ADAMTS17: variants seen among roughly 807,000 people sequenced by gnomAD.
The protein encoded by ADAMTS17 is A disintegrin and metalloproteinase with thrombospondin motifs 17.
ADAMTS17 carries 113 observed loss-of-function variants against 141.5 expected under a neutral mutation model. The observed-to-expected ratio is 0.80, with a 90% CI of 0.69 to 0.93. The LOEUF (loss-of-function observed/expected upper bound fraction) is 0.93. Among genes scored for constraint, ADAMTS17 ranks in the 40% least tolerant of loss-of-function variants. The pLI is 0.00. For missense variants in ADAMTS17, 1,659 were observed against 1,517.9 expected, an observed-to-expected ratio of 1.09 and a Z score of -1.54; for synonymous variants, 768 against 630.6, an observed-to-expected ratio of 1.22 and a Z score of -3.27.
chr15:100,273,911 T>C (rs1019822735), intron 4 of ADAMTS17, among the ~76,000 whole-genome samples: 1 of 152,234 alleles, frequency 6.6e-6, no homozygotes, highest in Non-Finnish European at 1.5e-5. Context: ...TATTTTCCAA[T>C]GTCACTTGTG....
chr15:100,237,799 T>C (rs111536627), intron 7 of ADAMTS17, among the ~76,000 whole-genome samples: 41 of 152,256 alleles, frequency 2.7e-4, no homozygotes, highest in African/African-American at 8.7e-4. Flanking sequence ...AATTTTTATA[T>C]TTTTAGTAGA....
rs1227702983 is a variant in ADAMTS17, at chr15:100,053,894, TAC to T, written c.2295+1_2295+2del. On this transcript the variant is annotated splice_donor_variant, in intron 16 of 21. Transcript: ENST00000268070. LOFTEE classifies it high-confidence loss of function. The stretch of plus-strand genomic sequence containing the variant: ...AGACAAGTGTGGAAGCCCAGCAAGT[TAC>T]CATCAAGTGCAGCGGTAGTTTGGTT... The T allele has an allele frequency of 1.2e-6, 2 of 1,614,020 alleles. No individual in the cohort carries two copies. Among genetic ancestry groups the T allele is most frequent in the Non-Finnish European group, 1.7e-6 (2 of 1,180,022 alleles).
chr15:100,080,919 A>G (rs962832516), intron 15 of ADAMTS17, among the ~76,000 whole-genome samples: 1 of 152,184 alleles, frequency 6.6e-6, no homozygotes, highest in African/African-American at 2.4e-5. Flanking sequence ...TTTGAAGACT[A>G]TGTGTGTTCT....
chr15:100,265,679 C>T (rs1283909394), intron 4 of ADAMTS17, among the ~76,000 whole-genome samples: 4 of 152,162 alleles, frequency 2.6e-5, no homozygotes, highest in Non-Finnish European at 5.9e-5. Flanking sequence ...CACCACCTAC[C>T]TGTGTGACCC....
At chr15:100,306,601 G>A (rs909586193) in intron 3 of ADAMTS17, 1 of 455,746 alleles carries the variant, frequency 2.2e-6, no homozygotes, top group Non-Finnish European at 4.4e-6. Flanking sequence ...TGTCCACCGT[G>A]CCTTGTCAAA....
At chr15:100,027,863 T>A (rs1271214267) in intron 18 of ADAMTS17, among the ~76,000 whole-genome samples, 1 of 152,098 alleles carries the variant, frequency 6.6e-6, no homozygotes, top group African/African-American at 2.4e-5. Context: ...GGAGTCTGAG[T>A]CTCATGAGTC....
intron 8 of ADAMTS17, among the ~76,000 whole-genome samples, chr15:100,196,108 G>A (rs1302221630): frequency 1.3e-5 from 2 of 152,188 alleles, no homozygotes; most frequent in Admixed American, 6.5e-5. Context: ...TTAATTCATG[G>A]CTGAAGCAGC....
At chr15:100,164,111 A>G (rs1185838114) in intron 8 of ADAMTS17, among the ~76,000 whole-genome samples, 2 of 152,064 alleles carry the variant, frequency 1.3e-5, no homozygotes, top group Non-Finnish European at 2.9e-5. Context: ...AGTCTCCCGT[A>G]TTCAGCACAC....
Position 99,972,272 on chromosome 15 carries a change from AAAG to A in ADAMTS17, c.*2127_*2129del, listed in dbSNP as rs2060226970. 1 of 152,192 alleles carries A rather than the reference AAAG, an allele frequency of 6.6e-6. No individual in the cohort carries two copies. The highest frequency in any genetic ancestry group is 2.4e-5 in the African/African-American group (1 of 41,422). The allele number at this position is 152,192 out of a possible 1,614,324, so 9.4% of individuals were successfully genotyped here. ...TCTCAAAAAACAACACCGACAACAA[AAAG>A]ATGAGCTAAAAGAGCTCTGCAGATG... On this transcript the variant is annotated 3_prime_UTR_variant, in exon 22 of 22. Coordinates refer to ENST00000268070, the MANE Select transcript of ADAMTS17 (RefSeq NM_139057.4).
chr15:100,065,011 A>C (rs544582121), intron 15 of ADAMTS17, among the ~76,000 whole-genome samples: 2 of 152,206 alleles, frequency 1.3e-5, no homozygotes, highest in Admixed American at 6.5e-5. Context: ...TCTAGGTTCA[A>C]CTATGTGGAA....
intron 7 of ADAMTS17, among the ~76,000 whole-genome samples, chr15:100,218,965 G>A (rs2042051919): frequency 6.6e-6 from 1 of 152,168 alleles, no homozygotes; most frequent in African/African-American, 2.4e-5. Flanking sequence ...ACATGTATAT[G>A]CAATGGAATA....
intron 10 of ADAMTS17, among the ~76,000 whole-genome samples, chr15:100,144,356 C>T (rs914161592): frequency 6.6e-6 from 1 of 152,072 alleles, no homozygotes; most frequent in African/African-American, 2.4e-5. Flanking sequence ...GTCTGACCAG[C>T]CTGGCCAACA....
intron 7 of ADAMTS17, among the ~76,000 whole-genome samples, chr15:100,221,444 A>T (rs2042131313): frequency 6.6e-6 from 1 of 152,186 alleles, no homozygotes; most frequent in South Asian, 2.1e-4. Flanking sequence ...TACAAACTAT[A>T]TGTGAATAAA....
intron 7 of ADAMTS17, among the ~76,000 whole-genome samples, chr15:100,212,939 G>GAAA (rs1376935254): frequency 2.0e-5 from 3 of 151,990 alleles, no homozygotes; most frequent in Non-Finnish European, 2.9e-5. Context: ...ATTTAATTTA[G>GAAA]AAAGCACCCT....
intron 3 of ADAMTS17, among the ~76,000 whole-genome samples, chr15:100,298,915 G>A (rs769163025): frequency 6.6e-6 from 1 of 152,164 alleles, no homozygotes; most frequent in Non-Finnish European, 1.5e-5. Flanking sequence ...AAGAGTCAGT[G>A]GGGTTGGTTT....
chr15:100,112,337 G>A (rs982900086), intron 13 of ADAMTS17, among the ~76,000 whole-genome samples: 5 of 152,264 alleles, frequency 3.3e-5, no homozygotes, highest in African/African-American at 1.2e-4. Flanking sequence ...ACAGAGTCTA[G>A]AGGTGGGGCT....
intron 3 of ADAMTS17, among the ~76,000 whole-genome samples, chr15:100,302,708 C>T (rs1265235857): frequency 6.6e-6 from 1 of 152,088 alleles, no homozygotes; most frequent in Non-Finnish European, 1.5e-5. Flanking sequence ...GAACTATCTG[C>T]GATGGTTAAT....
intron 8 of ADAMTS17, among the ~76,000 whole-genome samples, chr15:100,160,934 G>A (rs1423873293): frequency 6.6e-6 from 1 of 152,206 alleles, no homozygotes; most frequent in African/African-American, 2.4e-5. Context: ...TACTTTGACT[G>A]AGAAACTCAT....
At chr15:99,995,878 G>C (rs1412610353) in intron 19 of ADAMTS17, among the ~76,000 whole-genome samples, 1 of 152,168 alleles carries the variant, frequency 6.6e-6, no homozygotes, top group Non-Finnish European at 1.5e-5. Flanking sequence ...TGTGGTGCTC[G>C]TTCGGGATTA....
Sources: gnomAD v4.1 joint callset for allele counts (sites outside exome capture counted in the v4.1 genomes callset) on GRCh38, gnomAD v4.1.1 for gene constraint, MANE v1.5 for transcripts, NCBI Gene and HGNC (gene_info 2026-07-23, HGNC 2026-07-21) for gene names.